Variants in PACSIN2 observed in about 807,000 individuals in gnomAD.
PACSIN2 encodes the protein protein kinase C and casein kinase substrate in neurons 2.
Under a neutral mutation model 63.8 loss-of-function variants are expected in PACSIN2, and 25 were observed. That is an observed-to-expected ratio of 0.39 (90% CI 0.29 to 0.55). The LOEUF is 0.55. Among genes scored for constraint, PACSIN2 ranks in the 20% least tolerant of loss-of-function variants. PACSIN2 has a pLI of 0.62. For synonymous variants in PACSIN2, 255 were observed against 256.2 expected (o/e 1.00, Z 0.05); for missense variants, 518 against 646.9 (o/e 0.80, Z 2.16).
intron 2 of PACSIN2, among the ~76,000 whole-genome samples, chr22:42,906,235 G>A (rs1212794509): frequency 6.6e-6 from 1 of 152,220 alleles, no homozygotes; most frequent in Non-Finnish European, 1.5e-5. Flanking sequence ...ACTGACCAAG[G>A]GGGACAAAGG....
At chr22:42,907,995 G>C (rs545314574) in intron 2 of PACSIN2, among the ~76,000 whole-genome samples, 1 of 152,310 alleles carries the variant, frequency 6.6e-6, no homozygotes, top group Admixed American at 6.5e-5. Context: ...TCCTGGCAGG[G>C]AACGGTAAAT....
chr22:42,906,302 T>C (rs753406012), intron 2 of PACSIN2, among the ~76,000 whole-genome samples: 4 of 152,224 alleles, frequency 2.6e-5, no homozygotes, highest in Non-Finnish European at 4.4e-5. Flanking sequence ...TGGGTAGAGA[T>C]TGGGCAGCAA....
chr22:43,008,879 A>G (rs1184922116), intron 1 of PACSIN2, among the ~76,000 whole-genome samples: 1 of 152,252 alleles, frequency 6.6e-6, no homozygotes. Context: ...AGAAGTAGTC[A>G]TTTTAATGTA....
chr22:42,974,019 G>T (rs1921509552), intron 1 of PACSIN2, among the ~76,000 whole-genome samples: 2 of 152,190 alleles, frequency 1.3e-5, no homozygotes, highest in African/African-American at 4.8e-5. Flanking sequence ...ATTTACCTCA[G>T]AGCCTCTGTT....
intron 7 of PACSIN2, among the ~76,000 whole-genome samples, chr22:42,880,904 G>A (rs980486321): frequency 6.6e-6 from 1 of 152,184 alleles, no homozygotes. Context: ...GCAAATCCTC[G>A]CTGTGTCTGA....
chr22:42,992,860 T>C (rs931578163), intron 1 of PACSIN2, among the ~76,000 whole-genome samples: 1 of 152,086 alleles, frequency 6.6e-6, no homozygotes, highest in African/African-American at 2.4e-5. Flanking sequence ...AAATAACACA[T>C]ACTGTAAAAA....
At chr22:42,887,249 A>C (rs2267463) in intron 5 of PACSIN2, among the ~76,000 whole-genome samples, 69,082 of 151,790 alleles carry the variant, frequency 0.46, 16,235 homozygotes, top group African/African-American at 0.49. Context: ...CTGAGTGACG[A>C]ACTCTCGTGT....
Position 42,982,887 on chromosome 22 carries a change from A to AAAAAAAAAAAAAAAAC in PACSIN2, c.-78+32133_-78+32134insGTTTTTTTTTTTTTTT, listed in dbSNP as rs200348918. On this transcript the variant is annotated intron_variant, in intron 1 of 10. Coordinates refer to ENST00000263246, the MANE Select transcript of PACSIN2 (RefSeq NM_001184970.3). ...TGATCAATAAAAAAAAAAAAAAAAA[A>AAAAAAAAAAAAAAAAC]AAACAACAACAAGGCTAGGAGCAGT... Among the ~76,000 whole-genome samples, 64 of 129,536 alleles carry AAAAAAAAAAAAAAAAC rather than the reference A, an allele frequency of 4.9e-4. 1 individual carries two copies. The highest frequency in any genetic ancestry group is 7.5e-4 in the Non-Finnish European group (44 of 58,746). 85.0% of individuals were successfully genotyped at this position (129,536 alleles called of 152,430 possible).
rs1601553477 is a variant in PACSIN2, at chr22:42,941,143, G to A, written c.-77-28986C>T. On this transcript the variant is annotated intron_variant, in intron 1 of 10. Transcript: ENST00000263246. ...TTTCAGATAAATGGGATCATAACAT[G>A]TGGCTCTGGTGATTGGCTTCCTTCA... 2.0e-5 allele frequency among the ~76,000 whole-genome samples: 3 copies of A among 152,166 alleles called. No homozygotes were observed. The South Asian group carries it at 6.2e-4, about 32-fold the overall frequency.
chr22:42,890,136 G>GAACAA (rs1929798536), intron 4 of PACSIN2, among the ~76,000 whole-genome samples: 1 of 151,826 alleles, frequency 6.6e-6, no homozygotes, highest in Non-Finnish European at 1.5e-5. Context: ...TGAGTAGCTG[G>GAACAA]AACTACAGGT....
chr22:42,886,159 A>T (rs1254038034), intron 5 of PACSIN2, among the ~76,000 whole-genome samples: 2 of 152,134 alleles, frequency 1.3e-5, no homozygotes, highest in African/African-American at 4.8e-5. Context: ...CGACCCTGCT[A>T]GCCCCAAGTC....
chr22:43,014,414 G>A (rs377428263), intron 1 of PACSIN2, among the ~76,000 whole-genome samples: 1 of 121,194 alleles, frequency 8.3e-6, no homozygotes, highest in African/African-American at 3.2e-5. Context: ...GGAAATGGAG[G>A]CCGCTCATCA....
At chr22:42,996,084 G>C (rs1172401830) in intron 1 of PACSIN2, among the ~76,000 whole-genome samples, 2 of 152,046 alleles carry the variant, frequency 1.3e-5, no homozygotes, top group Non-Finnish European at 2.9e-5. Flanking sequence ...GCTGGGCGTG[G>C]TGGTGGGCGC....
chr22:42,978,920 T>C (rs1342917392), intron 1 of PACSIN2, among the ~76,000 whole-genome samples: 1 of 152,210 alleles, frequency 6.6e-6, no homozygotes, highest in Admixed American at 6.5e-5. Context: ...TCAGGTTTCC[T>C]ATGAGTCTAT....
chr22:42,936,100 C>T lies in PACSIN2; in HGVS notation c.-77-23943G>A, dbSNP rs188504663. Among the ~76,000 whole-genome samples the T allele has an allele frequency of 3.1e-3, 471 of 152,006 alleles. 3 individuals carry two copies. The highest frequency in any genetic ancestry group is 0.011 in the African/African-American group (464 of 41,440). On this transcript the variant is annotated intron_variant, in intron 1 of 10. Transcript: ENST00000263246. ...ACATGGTGGCGGGTGCCTGTAGTCC[C>T]AGCTACTCAGGAGGCAGAGGCAGGA...
intron 1 of PACSIN2, among the ~76,000 whole-genome samples, chr22:42,953,543 T>C (rs74339836): frequency 0.017 from 2,592 of 152,282 alleles, 82 homozygotes; most frequent in African/African-American, 0.059. Flanking sequence ...GGTTTTAGCA[T>C]GGCTGATGAA....
At chr22:42,987,218 C>A (rs988331003) in intron 1 of PACSIN2, among the ~76,000 whole-genome samples, 1 of 152,114 alleles carries the variant, frequency 6.6e-6, no homozygotes, top group African/African-American at 2.4e-5. Context: ...TTAACTATCT[C>A]TCTGAGCCTC....
intron 1 of PACSIN2, among the ~76,000 whole-genome samples, chr22:42,925,132 C>T (rs1569280132): frequency 6.6e-6 from 1 of 151,816 alleles, no homozygotes; most frequent in South Asian, 2.1e-4. Context: ...CACCTCCTAA[C>T]GAGCTACATA....
chr22:43,014,335 C>CACACACACACACACACAG (rs1924711357), intron 1 of PACSIN2, among the ~76,000 whole-genome samples: 1 of 33,256 alleles, frequency 3.0e-5, no homozygotes, highest in Non-Finnish European at 5.3e-5. Context: ...CACACACACA[C>CACACACACACACACACAG]ACACACACAC....
Sources: allele counts gnomAD v4.1 joint callset (sites outside exome capture counted in the v4.1 genomes callset), GRCh38; gene constraint gnomAD v4.1.1; transcripts MANE v1.5; gene names NCBI Gene and HGNC (gene_info 2026-07-23, HGNC 2026-07-21).